The following CEP85 variants were observed in gnomAD, a reference collection of about 807,000 sequenced individuals.
CEP85 encodes centrosomal protein of 85 kDa.
CEP85 carries 58 observed loss-of-function variants against 93.7 expected under a neutral mutation model. The observed-to-expected ratio is 0.62, with a 90% CI of 0.50 to 0.77. The LOEUF is 0.77. CEP85 is among the 30% of genes least tolerant of loss of function. The pLI is 0.00. For synonymous variants in CEP85, 314 were observed against 338.6 expected, an observed-to-expected ratio of 0.93 and a Z score of 0.80; for missense variants, 868 against 922.0, an observed-to-expected ratio of 0.94 and a Z score of 0.76.
At position 26,274,988 on chromosome 1, in the gene CEP85, G is replaced by C. The variant is rs1166395278; in HGVS notation, c.1819G>C (p.Glu607Gln). Residue 607 changes from glutamate (E) to glutamine (Q), a missense_variant, in exon 12 of 14, where the codon GAA becomes CAA. Transcript: ENST00000451429. The stretch of plus-strand genomic sequence containing the variant: ...GAGCCTAGAGCAGGAAGTGGCTCAA[G>C]AAGAAGGAACAAGCCAGGCCCTGAG... The part of the protein sequence containing the change: ...VQSLEQEVAQ[E>Q]EGTSQALREE... The C allele has an allele frequency of 7.0e-6, 11 of 1,579,492 alleles. No individual in the cohort carries two copies. The African/African-American group carries it at 1.5e-4, about 21-fold the overall frequency.
intron 2 of CEP85, 30 bp from the exon 3 acceptor site, chr1:26,244,136 A>G (rs1428765723): frequency 2.5e-6 from 4 of 1,607,776 alleles, no homozygotes; most frequent in Non-Finnish European, 3.4e-6. Flanking sequence ...GCTGGTTCAC[A>G]GTAAAGGTGG....
chr1:26,240,728 C>G (rs1040937403), intron 2 of CEP85, among the ~76,000 whole-genome samples: 1 of 152,076 alleles, frequency 6.6e-6, no homozygotes, highest in African/African-American at 2.4e-5. Flanking sequence ...AACTCCATGT[C>G]TACTAAAAAT....
intron 1 of CEP85, among the ~76,000 whole-genome samples, chr1:26,236,180 C>T (rs1328079601): frequency 1.3e-5 from 2 of 152,214 alleles, no homozygotes; most frequent in Non-Finnish European, 2.9e-5. Flanking sequence ...ACCTTCACTA[C>T]TGTAAACCTT....
rs185963587 is a variant in CEP85, at chr1:26,248,549, G to A, written c.208+4231G>A. On this transcript the variant is annotated intron_variant, in intron 3 of 13. Transcript: ENST00000451429. ...GTCGCTCTGTCGCCCAGGCTGGAGTGCAGTGGCCCAATCTCGGCTCACTGT... is the reference window on the plus strand; with the variant it reads ...GTCGCTCTGTCGCCCAGGCTGGAGTACAGTGGCCCAATCTCGGCTCACTGT... Among the ~76,000 whole-genome samples the A allele has an allele frequency of 2.2e-3, 338 of 151,966 alleles. 2 individuals carry two copies. Among genetic ancestry groups the A allele is most frequent in the African/African-American group, 7.0e-3 (292 of 41,460 alleles).
rs145593456 is a variant in CEP85, at chr1:26,263,998, C to A, written c.1341+4196C>A. Among the ~76,000 whole-genome samples the A allele has an allele frequency of 6.6e-4, 100 of 152,278 alleles. 3 individuals are homozygous for A. In the East Asian group the frequency reaches 0.014, roughly 22 times the overall value. On this transcript the variant is annotated intron_variant, in intron 7 of 13. Coordinates refer to ENST00000451429, the MANE Select transcript of CEP85 (RefSeq NM_001319944.2). ...TCTTGGAACCAGTCCCCCGTGTACA[C>A]CAAGGGACGACTGTATTTCTGAATA...
intron 11 of CEP85, among the ~76,000 whole-genome samples, chr1:26,272,954 A>T (rs1319960303): frequency 6.6e-6 from 1 of 152,008 alleles, no homozygotes; most frequent in East Asian, 1.9e-4. Context: ...TTGGGATGTG[A>T]TGTGGTCAGG....
rs2089982680 is a variant in CEP85, at chr1:26,272,061, C to T, written c.1784C>T (p.Ser595Leu). The T allele has an allele frequency of 6.2e-7, 1 of 1,614,034 alleles. No homozygotes were observed. The highest frequency in any genetic ancestry group is 1.1e-5 in the South Asian group (1 of 91,036). ...CAGCAGAAGATGGATCAGTTGCGCT[C>T]ACAAGTACAGGTGAGCAGGAATCCT... ...KQQQKMDQLRSQVQSLEQEVA... is the reference protein window; with the variant it reads ...KQQQKMDQLRLQVQSLEQEVA... The change falls in exon 11 of 14, where the codon TCA (serine) becomes TTA (leucine). Residue 595 changes from serine to leucine, a missense_variant. Physicochemically the swap from Ser to Leu is moderately radical, Grantham distance 145. Coordinates refer to ENST00000451429, the MANE Select transcript of CEP85 (RefSeq NM_001319944.2).
chr1:26,261,030 A>T (rs891698540), intron 7 of CEP85, among the ~76,000 whole-genome samples: 5 of 150,634 alleles, frequency 3.3e-5, no homozygotes, highest in African/African-American at 1.2e-4. Context: ...ACCTCAGGTG[A>T]TCCACCCACC....
At chr1:26,247,538 G>T (rs1437666071) in intron 3 of CEP85, among the ~76,000 whole-genome samples, 2 of 152,074 alleles carry the variant, frequency 1.3e-5, no homozygotes, top group African/African-American at 4.8e-5. Flanking sequence ...TTTGAGTACA[G>T]TCTGGGCAAC....
rs543330335 is a variant in CEP85 at position 26,239,599 on chromosome 1, G to A, written c.-22-163G>A. Among the ~76,000 whole-genome samples the A allele has an allele frequency of 6.8e-5, 10 of 147,214 alleles. No homozygotes were observed. The East Asian group carries it at 7.7e-4, about 11-fold the overall frequency. ...ACTCCTGACCTCAGTTGATCTGCCC[G>A]CCTTGGCCTCCCAAAGTGCTGGGAT... is the stretch of plus-strand genomic sequence containing the variant. On this transcript the variant is annotated intron_variant, in intron 1 of 13. Transcript: ENST00000451429.
In CEP85 at chr1:26,277,689, C is replaced by T. The variant is rs1371111527; in HGVS notation, c.*396C>T. ...TGATTAGAGAGCTCATCAGAGGGGC[C>T]TGGAAAGGCTGAGCAAGTACCAGTG... On this transcript the variant is annotated 3_prime_UTR_variant, in exon 14 of 14. Transcript: ENST00000451429. 6.3e-6 allele frequency: 1 copy of T among 159,244 alleles called. No individual in the cohort carries two copies. Among genetic ancestry groups the T allele is most frequent in the African/African-American group, 2.4e-5 (1 of 41,578 alleles). The allele number at this position is 159,244 out of a possible 1,614,324, so 9.9% of individuals were successfully genotyped here.
intron 3 of CEP85, among the ~76,000 whole-genome samples, chr1:26,252,859 T>C (rs1191277781): frequency 6.6e-6 from 1 of 152,178 alleles, no homozygotes; most frequent in Admixed American, 6.5e-5. Context: ...ATTCCTCCTG[T>C]CTAACCGAAA....
At position 26,245,266 on chromosome 1, in the gene CEP85, C is replaced by T. The variant is rs566943284; in HGVS notation, c.208+948C>T. Among the ~76,000 whole-genome samples the T allele has an allele frequency of 4.6e-5, 7 of 150,724 alleles. No homozygotes were observed. In the South Asian group the frequency reaches 1.3e-3, roughly 27 times the overall value. ...CTGGTCTCAAACTCTTTGCCTGAAA[C>T]GATCCTATTGCCTCAGCCTCCCAAA... is the stretch of plus-strand genomic sequence containing the variant. On this transcript the variant is annotated intron_variant, in intron 3 of 13. Transcript: ENST00000451429.
rs762551612 is a variant in CEP85, at chr1:26,275,041, C to G, written c.1872C>G (p.Ala624=). The G allele has an allele frequency of 6.3e-7, 1 of 1,582,378 alleles. No homozygotes were observed. Reference sequence around the variant, plus strand: ...AGGAGGCCCAGCGAAGGGATTCAGCCCTGCAGCAGCTGCGCACAGCCGTGA... The same window carrying G: ...AGGAGGCCCAGCGAAGGGATTCAGCGCTGCAGCAGCTGCGCACAGCCGTGA... ...LREEAQRRDS[A]LQQLRTAVKE... Residue 624 remains alanine (A), a synonymous_variant, in exon 12 of 14, where the codon GCC becomes GCG. Transcript: ENST00000451429.
chr1:26,272,327 AAG>A (rs1311232598), intron 11 of CEP85: 2 of 479,556 alleles, frequency 4.2e-6, no homozygotes, highest in Non-Finnish European at 7.5e-6. Context: ...AGGGAGGTAA[AAG>A]AGAGGTTTCT....
At chr1:26,244,934 A>G (rs941893779) in intron 3 of CEP85, among the ~76,000 whole-genome samples, 10 of 152,234 alleles carry the variant, frequency 6.6e-5, no homozygotes, top group Admixed American at 5.9e-4. Context: ...AATAACTCCT[A>G]TTGCTTGGGC....
rs962583204 is a variant in CEP85 at position 26,252,089 on chromosome 1, G to C, written c.209-3082G>C. 2.0e-5 allele frequency among the ~76,000 whole-genome samples: 3 copies of C among 152,068 alleles called. 1 individual carries two copies. On this transcript the variant is annotated intron_variant, in intron 3 of 13. Coordinates refer to ENST00000451429, the MANE Select transcript of CEP85 (RefSeq NM_001319944.2). ...CTACTAAAAATACAAAAATTAGCCAGGCATGGTGGCGGGCTCCTGTAATCC... is the reference window on the plus strand; with the variant it reads ...CTACTAAAAATACAAAAATTAGCCACGCATGGTGGCGGGCTCCTGTAATCC...
chr1:26,273,929 T>TAAATAAAA (rs1553161633), intron 11 of CEP85, among the ~76,000 whole-genome samples: 3 of 142,514 alleles, frequency 2.1e-5, no homozygotes, highest in Admixed American at 1.4e-4. Context: ...AATAAATAAA[T>TAAATAAAA]AAAATATATA....
chr1:26,234,663 C>T (rs1339366491), intron 1 of CEP85, among the ~76,000 whole-genome samples: 1 of 152,174 alleles, frequency 6.6e-6, no homozygotes, highest in East Asian at 1.9e-4. Context: ...TCCCTCGGCG[C>T]GCAGTGAGGG....
Sources: gnomAD v4.1 joint callset for allele counts (sites outside exome capture counted in the v4.1 genomes callset) on GRCh38, gnomAD v4.1.1 for gene constraint, MANE v1.5 for transcripts, NCBI Gene and HGNC (gene_info 2026-07-23, HGNC 2026-07-21) for gene names.